MACROD2: variants seen among roughly 807,000 people sequenced by gnomAD.
MACROD2 encodes the protein mono-ADP ribosylhydrolase 2, also known as ADP-ribose glycohydrolase MACROD2.
Under a neutral mutation model 70.4 loss-of-function variants are expected in MACROD2, and 36 were observed. The ratio of observed to expected loss-of-function variants is 0.51; its 90% CI spans 0.39 to 0.68. MACROD2 has a LOEUF of 0.68. Ranked by LOEUF, MACROD2 falls within the 30% of genes least tolerant of loss-of-function variation. The pLI is 0.00. For missense variants in MACROD2, 496 were observed against 538.4 expected, an observed-to-expected ratio of 0.92 and a Z score of 0.78; for synonymous variants, 172 against 178.8, an observed-to-expected ratio of 0.96 and a Z score of 0.30.
chr20:15,894,276 A>C (rs1254627865), intron 10 of MACROD2, among the ~76,000 whole-genome samples: 4 of 152,220 alleles, frequency 2.6e-5, no homozygotes, highest in Non-Finnish European at 5.9e-5. Context: ...GAGAAGCCAA[A>C]GCTGAAAGAA....
chr20:14,550,049 A>G (rs1238212744), intron 4 of MACROD2, among the ~76,000 whole-genome samples: 1 of 151,406 alleles, frequency 6.6e-6, no homozygotes, highest in African/African-American at 2.4e-5. Flanking sequence ...CTGCCTCCTG[A>G]GTAGCTGGGA....
intron 8 of MACROD2, among the ~76,000 whole-genome samples, chr20:15,686,594 C>T (rs558466160): frequency 3.9e-5 from 6 of 151,998 alleles, no homozygotes; most frequent in Non-Finnish European, 8.8e-5. Context: ...ATTTGTTGGC[C>T]GGGCATGGTG....
intron 5 of MACROD2, among the ~76,000 whole-genome samples, chr20:15,109,771 G>C (rs1332440407): frequency 6.6e-6 from 1 of 152,108 alleles, no homozygotes; most frequent in Non-Finnish European, 1.5e-5. Context: ...TACTTGGAGG[G>C]GAAAAATCGG....
intron 4 of MACROD2, among the ~76,000 whole-genome samples, chr20:14,586,342 G>T (rs1470866180): frequency 6.6e-6 from 1 of 151,968 alleles, no homozygotes; most frequent in Non-Finnish European, 1.5e-5. Context: ...TTCTTAGAAT[G>T]TTCTAGATAG....
intron 4 of MACROD2, among the ~76,000 whole-genome samples, chr20:14,526,786 C>A (rs2085238886): frequency 6.6e-6 from 1 of 152,174 alleles, no homozygotes; most frequent in Non-Finnish European, 1.5e-5. Context: ...GGCTCCAAAC[C>A]CACGACAGTG....
chr20:15,886,271 T>C (rs746330308), intron 10 of MACROD2, among the ~76,000 whole-genome samples: 52 of 152,168 alleles, frequency 3.4e-4, no homozygotes, highest in Non-Finnish European at 2.8e-4. Context: ...AAATCTTAGC[T>C]GGGACAACTT....
intron 8 of MACROD2, among the ~76,000 whole-genome samples, chr20:15,617,526 A>C (rs1370129861): frequency 6.6e-6 from 1 of 152,236 alleles, no homozygotes; most frequent in Admixed American, 6.5e-5. Flanking sequence ...ATTCAGTTGA[A>C]CTGATAAATA....
chr20:14,629,826 G>T (rs1666605196), intron 4 of MACROD2, among the ~76,000 whole-genome samples: 1 of 151,900 alleles, frequency 6.6e-6, no homozygotes, highest in African/African-American at 2.4e-5. Flanking sequence ...TTATTTCCTG[G>T]TCAATCTTAA....
chr20:14,855,218 C>T (rs1432734306), intron 5 of MACROD2, among the ~76,000 whole-genome samples: 3 of 152,172 alleles, frequency 2.0e-5, no homozygotes, highest in South Asian at 2.1e-4. Flanking sequence ...GCTTCTTTCC[C>T]GATGAACTGC....
At chr20:14,714,504 C>G (rs2071375073) in intron 5 of MACROD2, among the ~76,000 whole-genome samples, 1 of 152,186 alleles carries the variant, frequency 6.6e-6, no homozygotes, top group East Asian at 1.9e-4. Flanking sequence ...ATTTTTTCCT[C>G]CATGTCCTAT....
At chr20:14,101,895 T>G (rs2054306232) in intron 3 of MACROD2, among the ~76,000 whole-genome samples, 1 of 151,736 alleles carries the variant, frequency 6.6e-6, no homozygotes, top group African/African-American at 2.4e-5. Context: ...TCTTTAAACC[T>G]TTTGTGTTTT....
chr20:15,774,370 A>G lies in MACROD2; in HGVS notation c.646-88375A>G, dbSNP rs986397350. Among the ~76,000 whole-genome samples, 6 of 151,770 alleles carry G rather than the reference A, an allele frequency of 4.0e-5. 1 individual carries two copies. ...TCCAGAACTCACTTTTCTCTCAGTG[A>G]CTCTTATTTAGTTTATTTTCCTTTT... On this transcript the variant is annotated intron_variant, in intron 8 of 17. Coordinates refer to ENST00000684519, the MANE Select transcript of MACROD2 (RefSeq NM_001351661.2).
At chr20:15,815,736 T>C (rs1370339052) in intron 8 of MACROD2, among the ~76,000 whole-genome samples, 1 of 152,194 alleles carries the variant, frequency 6.6e-6, no homozygotes, top group East Asian at 1.9e-4. Context: ...GTTGAAGTTA[T>C]ATGAGTCTGA....
chr20:15,062,572 G>C (rs1452986339), intron 5 of MACROD2, among the ~76,000 whole-genome samples: 1 of 151,906 alleles, frequency 6.6e-6, no homozygotes, highest in African/African-American at 2.4e-5. Flanking sequence ...AGGTTTTGCT[G>C]TGCTCCCGAA....
chr20:15,700,266 AC>A (rs1191708072), intron 8 of MACROD2, among the ~76,000 whole-genome samples: 1 of 152,174 alleles, frequency 6.6e-6, no homozygotes, highest in African/African-American at 2.4e-5. Flanking sequence ...CTCCCGTCTG[AC>A]ATGATCCCAG....
chr20:14,691,696 G>A (rs1288391420), intron 5 of MACROD2, among the ~76,000 whole-genome samples: 3 of 152,148 alleles, frequency 2.0e-5, no homozygotes, highest in Admixed American at 6.5e-5. Context: ...TTCAGCCATC[G>A]TGGACTCTCC....
chr20:15,989,034 T>G (rs1188256207), intron 15 of MACROD2, among the ~76,000 whole-genome samples: 2 of 152,174 alleles, frequency 1.3e-5, no homozygotes, highest in East Asian at 3.9e-4. Flanking sequence ...GTTCTTCATC[T>G]GTAAGATGAT....
At chr20:15,754,632 A>C (rs1282186464) in intron 8 of MACROD2, among the ~76,000 whole-genome samples, 3 of 151,488 alleles carry the variant, frequency 2.0e-5, no homozygotes, top group African/African-American at 7.3e-5. Flanking sequence ...TCTCTAAAAA[A>C]GAAAAAAAAA....
chr20:15,171,052 C>T (rs900661064), intron 5 of MACROD2, among the ~76,000 whole-genome samples: 1 of 152,108 alleles, frequency 6.6e-6, no homozygotes, highest in East Asian at 1.9e-4. Flanking sequence ...GACCCTAAGA[C>T]GACAGCCAGA....
Sources: allele counts gnomAD v4.1 joint callset (sites outside exome capture counted in the v4.1 genomes callset), GRCh38; gene constraint gnomAD v4.1.1; transcripts MANE v1.5; gene names NCBI Gene and HGNC (gene_info 2026-07-23, HGNC 2026-07-21).